MYO18A: variants seen among roughly 807,000 people sequenced by gnomAD.
MYO18A encodes unconventional myosin-XVIIIa.
Under a neutral mutation model 235.8 loss-of-function variants are expected in MYO18A, and 78 were observed. The ratio of observed to expected loss-of-function variants is 0.33; its 90% confidence interval spans 0.28 to 0.40. The LOEUF (loss-of-function observed/expected upper bound fraction) is 0.40, where lower values mean the gene tolerates loss of function less well. Ranked by LOEUF, MYO18A falls within the 10% of genes least tolerant of loss-of-function variation. The pLI, the probability that MYO18A is intolerant of heterozygous loss-of-function variation, is 1.00. For missense variants in MYO18A, 2,215 were observed against 2,699.3 expected (o/e 0.82, Z 3.98); for synonymous variants, 977 against 1,077.8 (o/e 0.91, Z 1.83).
intron 2 of MYO18A, chr17:29,131,301 A>G: frequency 1.3e-6 from 1 of 788,066 alleles, no homozygotes; most frequent in Non-Finnish European, 1.5e-6. Flanking sequence ...AAACACACAC[A>G]CGCACACACA....
At chr17:29,137,845 C>T (rs748333337) in intron 2 of MYO18A, among the ~76,000 whole-genome samples, 2 of 152,056 alleles carry the variant, frequency 1.3e-5, no homozygotes, top group Admixed American at 6.5e-5. Context: ...GTGAATTAGA[C>T]ACAACATGAA....
chr17:29,089,897 C>A, intron 37 of MYO18A, 64 bp downstream of exon 37: 1 of 1,597,352 alleles, frequency 6.3e-7, no homozygotes, highest in Non-Finnish European at 8.5e-7. Flanking sequence ...GCTGAGCATG[C>A]GCGGCTCCAG....
rs530320817 is a variant in MYO18A at position 29,138,840 on chromosome 17, C to T, written c.1000-16587G>A. On this transcript the variant is annotated intron_variant, in intron 2 of 41. Transcript: ENST00000527372. ...TGGAGGCACGCCCTGCCCTCCATTTCCCCTGGTTCACCTGCACTGTTGTCC... is the reference window on the plus strand; with the variant it reads ...TGGAGGCACGCCCTGCCCTCCATTTTCCCTGGTTCACCTGCACTGTTGTCC... Among the ~76,000 whole-genome samples the T allele has an allele frequency of 4.6e-5, 7 of 152,178 alleles. No individual in the cohort carries two copies. In the South Asian group the frequency reaches 1.4e-3, roughly 31 times the overall value.
chr17:29,087,035 T>C lies in MYO18A; in HGVS notation c.5613A>G (p.Glu1871=), dbSNP rs1315503580. 6.2e-7 allele frequency: 1 copy of C among 1,614,030 alleles called. No homozygotes were observed. The highest frequency in any genetic ancestry group is 8.5e-7 in the Non-Finnish European group (1 of 1,179,890). Residue 1871 remains glutamate (E), a synonymous_variant, in exon 38 of 42, where the codon GAA becomes GAG. Transcript: ENST00000527372. Reference sequence around the variant, plus strand: ...GCTGCCTCTGTAGCCGCTTGTTCTGTTCCTTCTCCCGGTTCTCGGCTGCAA... The same window carrying C: ...GCTGCCTCTGTAGCCGCTTGTTCTGCTCCTTCTCCCGGTTCTCGGCTGCAA... The part of the protein sequence containing the change: ...QRIAAENREK[E]QNKRLQRQLR...
intron 1 of MYO18A, chr17:29,176,866 G>A (rs993712017): frequency 6.6e-6 from 1 of 152,138 alleles, no homozygotes; most frequent in African/African-American, 2.4e-5. Context: ...GGCGGCCCTT[G>A]GCGTTTCCCC....
intron 2 of MYO18A, among the ~76,000 whole-genome samples, chr17:29,139,788 A>C (rs906694131): frequency 6.6e-6 from 1 of 152,252 alleles, no homozygotes; most frequent in East Asian, 1.9e-4. Flanking sequence ...TGTCCTATGC[A>C]CAGAAATGGA....
intron 2 of MYO18A, among the ~76,000 whole-genome samples, chr17:29,162,510 T>A (rs979385064): frequency 1.3e-5 from 2 of 152,212 alleles, no homozygotes; most frequent in Non-Finnish European, 2.9e-5. Context: ...TACCCAGATG[T>A]CAGCTTTCGC....
At chr17:29,100,733 A>C (rs2066633497) in intron 21 of MYO18A, among the ~76,000 whole-genome samples, 1 of 152,252 alleles carries the variant, frequency 6.6e-6, no homozygotes, top group Non-Finnish European at 1.5e-5. Context: ...GGGCAAAGAG[A>C]AGATGTGAAC....
intron 13 of MYO18A, 118 bp downstream of exon 13, chr17:29,115,233 C>A (rs2067028875): frequency 7.0e-7 from 1 of 1,433,270 alleles, no homozygotes; most frequent in Non-Finnish European, 9.6e-7. Context: ...GCTCATAGCC[C>A]ATGGGACAGG....
At chr17:29,144,435 T>G (rs1028832270) in intron 2 of MYO18A, among the ~76,000 whole-genome samples, 3 of 152,178 alleles carry the variant, frequency 2.0e-5, no homozygotes, top group African/African-American at 4.8e-5. Flanking sequence ...CCTGCCTCCC[T>G]TATGAAGCCT....
At chr17:29,154,459 A>G (rs1467619727) in intron 2 of MYO18A, among the ~76,000 whole-genome samples, 2 of 152,228 alleles carry the variant, frequency 1.3e-5, no homozygotes, top group African/African-American at 4.8e-5. Flanking sequence ...TCAGGCTGCC[A>G]GGGCAATCGG....
chr17:29,130,775 G>C (rs2067453427), intron 2 of MYO18A, among the ~76,000 whole-genome samples: 2 of 152,148 alleles, frequency 1.3e-5, no homozygotes, highest in African/African-American at 2.4e-5. Flanking sequence ...GAAACCTAAG[G>C]CTATTCTTGC....
At chr17:29,174,964 A>AT (rs1462484368) in intron 1 of MYO18A, among the ~76,000 whole-genome samples, 1 of 152,246 alleles carries the variant, frequency 6.6e-6, no homozygotes, top group African/African-American at 2.4e-5. Context: ...TTTTGCTAAA[A>AT]TTTAAAAACC....
intron 2 of MYO18A, chr17:29,128,365 C>A (rs2067377062): frequency 1.6e-6 from 2 of 1,284,906 alleles, no homozygotes; most frequent in Non-Finnish European, 2.0e-6. Context: ...TTGCCACCCG[C>A]TTCCGGGACA....
intron 23 of MYO18A, 25 bp downstream of exon 23, chr17:29,098,801 T>C: frequency 1.2e-6 from 2 of 1,613,504 alleles, no homozygotes; most frequent in Non-Finnish European, 1.7e-6. Context: ...ACCCAGAGAC[T>C]TGGCCCTCTC....
rs2152859094 is a variant in MYO18A, at chr17:29,121,682, T to A, written c.1236A>T (p.Ser412=). The change falls in exon 5 of 42, where the codon TCA becomes TCT. Residue 412 remains serine (S), a synonymous_variant. Transcript: ENST00000527372. The surrounding 1 kb of genome is among the most constrained non-coding windows in gnomAD (Gnocchi z 4.2). ...PSCDRLEDLA[S]LVYLNESSVL... ...CGCTGGACTCATTGAGGTACACCAG[T>A]GAGGCCAGATCCTCCAGACGGTCGC... The A allele has an allele frequency of 6.4e-7, 1 of 1,564,418 alleles. No homozygotes were observed. The highest frequency in any genetic ancestry group is 2.4e-5 in the East Asian group (1 of 41,714).
chr17:29,141,908 T>C (rs1404030804), intron 2 of MYO18A, among the ~76,000 whole-genome samples: 7 of 152,264 alleles, frequency 4.6e-5, no homozygotes, highest in African/African-American at 1.2e-4. Context: ...TCTGACATAA[T>C]TGGTCTGGGA....
At chr17:29,178,878 C>G (rs2068589408) in intron 1 of MYO18A, among the ~76,000 whole-genome samples, 1 of 152,234 alleles carries the variant, frequency 6.6e-6, no homozygotes, top group African/African-American at 2.4e-5. Context: ...TGATCTTGCT[C>G]TTAATCACCC....
chr17:29,104,611 T>G lies in MYO18A; in HGVS notation c.3442-947A>C, dbSNP rs563945395. Among the ~76,000 whole-genome samples the G allele has an allele frequency of 3.3e-5, 5 of 152,026 alleles. No individual in the cohort carries two copies. The East Asian group carries it at 9.7e-4, about 29-fold the overall frequency. On this transcript the variant is annotated intron_variant, in intron 20 of 41. Transcript: ENST00000527372. ...AGAGGCCTGGGCTAGAGGTATTGAT[T>G]TGGGAGTCATCAATATATATGTGAT...
Sources: allele counts gnomAD v4.1 joint callset (sites outside exome capture counted in the v4.1 genomes callset), GRCh38; gene constraint gnomAD v4.1.1; non-coding constraint Gnocchi (gnomAD v3.1); transcripts MANE v1.5; gene names NCBI Gene and HGNC (gene_info 2026-07-23, HGNC 2026-07-21).